The following ATP6V1G1 variants were observed in gnomAD, a reference collection of about 807,000 sequenced individuals.
ATP6V1G1 encodes V-type proton ATPase subunit G 1.
In ATP6V1G1, 14 loss-of-function variants were observed where a neutral mutation model predicts 14.2. The observed-to-expected ratio is 0.99, with a 90% CI of 0.65 to 1.55. The LOEUF (loss-of-function observed/expected upper bound fraction) is 1.55. Among genes scored for constraint, ATP6V1G1 ranks in the 40% most tolerant of loss-of-function variants. The probability of loss-of-function intolerance (pLI) is 0.00; values close to 1 mark genes in which losing one functional copy is unlikely to be tolerated. For synonymous variants in ATP6V1G1, 65 were observed against 53.3 expected, an observed-to-expected ratio of 1.22 and a Z score of -0.96; for missense variants, 137 against 146.4, an observed-to-expected ratio of 0.94 and a Z score of 0.33.
chr9:114,592,715 C>A, intron 2 of ATP6V1G1, 63 bp downstream of exon 2: 2 of 1,498,982 alleles, frequency 1.3e-6, no homozygotes, highest in South Asian at 2.4e-5. Context: ...CCAAGGCTTT[C>A]AGAATATCCA....
chr9:114,596,958 A>C (rs1441419743), intron 2 of ATP6V1G1, among the ~76,000 whole-genome samples: 1 of 138,794 alleles, frequency 7.2e-6, no homozygotes, highest in Non-Finnish European at 1.6e-5. Flanking sequence ...GTTGATTCCT[A>C]TCTTTGGTTA....
intron 2 of ATP6V1G1, among the ~76,000 whole-genome samples, chr9:114,595,832 G>A (rs1589314057): frequency 6.6e-6 from 1 of 152,098 alleles, no homozygotes; most frequent in South Asian, 2.1e-4. Context: ...TGAGGAATAG[G>A]TAATGGAGAG....
In ATP6V1G1 at chr9:114,598,314, T is replaced by C. The variant is rs1053776131; in HGVS notation, c.*571T>C. 1 of 152,656 alleles carries C rather than the reference T, an allele frequency of 6.6e-6. No individual in the cohort carries two copies. Among genetic ancestry groups the C allele is most frequent in the African/African-American group, 2.4e-5 (1 of 41,460 alleles). 9.5% of individuals were successfully genotyped at this position (152,656 alleles called of 1,614,324 possible). ...TTACTAGATGATAGAATTCAAGAAC[T>C]TGTTACATGTATTACTTGGTGTATC... On this transcript the variant is annotated 3_prime_UTR_variant, in exon 3 of 3. Transcript: ENST00000374050.
intron 2 of ATP6V1G1, among the ~76,000 whole-genome samples, chr9:114,595,092 T>C (rs1845224695): frequency 6.6e-6 from 1 of 151,094 alleles, no homozygotes; most frequent in Non-Finnish European, 1.5e-5. Flanking sequence ...GGTCTTGAAC[T>C]CCTGACCTCA....
intron 1 of ATP6V1G1, 100 bp from the exon 2 acceptor site, chr9:114,592,452 A>G (rs1418946336): frequency 1.7e-6 from 2 of 1,186,798 alleles, no homozygotes; most frequent in South Asian, 1.5e-5. Flanking sequence ...GGACTGTGTC[A>G]TAATTTATTC....
At chr9:114,597,483 A>G in intron 2 of ATP6V1G1, 87 bp from the exon 3 acceptor site, 2 of 1,357,568 alleles carry the variant, frequency 1.5e-6, no homozygotes, top group Non-Finnish European at 1.9e-6. Flanking sequence ...GGTTTCTCCA[A>G]AAGTCAACAA....
Position 114,592,601 on chromosome 9 carries a change from T to A in ATP6V1G1, c.132T>A (p.Ile44=), listed in dbSNP as rs747363699. The A allele has an allele frequency of 4.1e-5, 64 of 1,577,412 alleles. 3 individuals carry two copies. In the South Asian group the frequency reaches 6.9e-4, roughly 17 times the overall value. The change falls in exon 2 of 3, where the codon ATT becomes ATA. Residue 44 remains isoleucine, a synonymous_variant. Transcript: ENST00000374050. ...CCAAAGAAGAAGCTCAGGCTGAAAT[T>A]GAACAGTACCGCCTGCAGAGGGAGA... ...KQAKEEAQAE[I]EQYRLQREKE... is the part of the protein sequence containing the mutation.
chr9:114,596,457 C>T (rs1467537527), intron 2 of ATP6V1G1, among the ~76,000 whole-genome samples: 1 of 151,632 alleles, frequency 6.6e-6, no homozygotes, highest in Admixed American at 6.6e-5. Context: ...GACCTGCAGT[C>T]CTCCTCAGAG....
In ATP6V1G1 at chr9:114,594,584, T is replaced by C. The variant is rs535892020; in HGVS notation, c.183+1932T>C. Among the ~76,000 whole-genome samples the C allele has an allele frequency of 4.2e-4, 64 of 152,054 alleles. 1 individual carries two copies. Among genetic ancestry groups the C allele is most frequent in the African/African-American group, 1.5e-3 (64 of 41,508 alleles). ...TTTTTAGAAGAGACGGGGGTTTCACTGTGTTGGCCAGGCTGGTCTTGAACT... is the reference window on the plus strand; with the variant it reads ...TTTTTAGAAGAGACGGGGGTTTCACCGTGTTGGCCAGGCTGGTCTTGAACT... On this transcript the variant is annotated intron_variant, in intron 2 of 2. Coordinates refer to ENST00000374050, the MANE Select transcript of ATP6V1G1 (RefSeq NM_004888.4).
At chr9:114,594,713 T>C (rs139733460) in intron 2 of ATP6V1G1, among the ~76,000 whole-genome samples, 1 of 152,078 alleles carries the variant, frequency 6.6e-6, no homozygotes, top group African/African-American at 2.4e-5. Context: ...CTTTTTTCTT[T>C]TTCGTGGCAC....
At chr9:114,588,197 C>G in intron 1 of ATP6V1G1, 1 of 459,444 alleles carries the variant, frequency 2.2e-6, no homozygotes, top group East Asian at 3.7e-5. Context: ...CCAAACGGAG[C>G]TCTTTGTTCT....
At chr9:114,590,825 G>T (rs1033616208) in intron 1 of ATP6V1G1, among the ~76,000 whole-genome samples, 1 of 151,496 alleles carries the variant, frequency 6.6e-6, no homozygotes, top group Admixed American at 6.6e-5. Flanking sequence ...ATGGATTCTC[G>T]CTCTGTCGCC....
At chr9:114,593,591 GCTTAAGCGATCC>G (rs1845205408) in intron 2 of ATP6V1G1, among the ~76,000 whole-genome samples, 1 of 152,128 alleles carries the variant, frequency 6.6e-6, no homozygotes, top group Non-Finnish European at 1.5e-5. Context: ...GAGCTTCTAG[GCTTAAGCGATCC>G]TCCCCTGCCC....
intron 2 of ATP6V1G1, among the ~76,000 whole-genome samples, chr9:114,596,387 C>CAA (rs534296519): frequency 5.2e-4 from 42 of 80,300 alleles, no homozygotes; most frequent in Non-Finnish European, 7.9e-4. Context: ...GACTCCAACT[C>CAA]AAAAAAAAAA....
At chr9:114,594,861 C>CTTTTTTT (rs71997716) in intron 2 of ATP6V1G1, among the ~76,000 whole-genome samples, 2 of 110,570 alleles carry the variant, frequency 1.8e-5, no homozygotes, top group Middle Eastern at 4.5e-3. Flanking sequence ...TTCTTTTTTT[C>CTTTTTTT]TTTTTTTTTT....
intron 1 of ATP6V1G1, chr9:114,588,250 GA>G: frequency 3.4e-6 from 1 of 292,424 alleles, no homozygotes; most frequent in South Asian, 7.2e-5. Flanking sequence ...CAGTCTCGGT[GA>G]AGGGAGCCAG....
chr9:114,596,065 A>G (rs901815143), intron 2 of ATP6V1G1, among the ~76,000 whole-genome samples: 1 of 152,106 alleles, frequency 6.6e-6, no homozygotes, highest in Non-Finnish European at 1.5e-5. Flanking sequence ...AAGAAAATTC[A>G]TGTCAGTGTG....
intron 2 of ATP6V1G1, among the ~76,000 whole-genome samples, chr9:114,595,756 C>T (rs1254875415): frequency 6.6e-6 from 1 of 151,658 alleles, no homozygotes; most frequent in Non-Finnish European, 1.5e-5. Flanking sequence ...CCATCCTGGG[C>T]AACATAGTGA....
At chr9:114,590,282 CAG>C (rs1248101265) in intron 1 of ATP6V1G1, among the ~76,000 whole-genome samples, 1 of 129,724 alleles carries the variant, frequency 7.7e-6, no homozygotes, top group African/African-American at 2.9e-5. Flanking sequence ...TTTTTTGAGA[CAG>C]AGTCTCACTC....
Sources: gnomAD v4.1 joint callset for allele counts (sites outside exome capture counted in the v4.1 genomes callset) on GRCh38, gnomAD v4.1.1 for gene constraint, MANE v1.5 for transcripts, NCBI Gene and HGNC (gene_info 2026-07-23, HGNC 2026-07-21) for gene names.